Variants in TSPO2 observed in about 807,000 individuals in gnomAD.
The protein encoded by TSPO2 is benzodiazapine receptor (peripheral)-like 1.
In TSPO2, 15 loss-of-function variants were observed where a neutral mutation model predicts 13.3. That is an observed-to-expected ratio of 1.13 (90% CI 0.75 to 1.73). The LOEUF is 1.73. Ranked by LOEUF, TSPO2 falls within the 40% of genes most tolerant of loss-of-function variation. The probability of loss-of-function intolerance (pLI) is 0.00; values close to 1 mark genes in which losing one functional copy is unlikely to be tolerated. For synonymous variants in TSPO2, 81 were observed against 91.6 expected, an observed-to-expected ratio of 0.88 and a Z score of 0.66; for missense variants, 202 against 198.3, an observed-to-expected ratio of 1.02 and a Z score of -0.11.
At position 41,043,646 on chromosome 6, in the gene TSPO2, C is replaced by A. The variant is rs771174649; in HGVS notation, c.263C>A (p.Thr88Asn). 6.2e-6 allele frequency: 10 copies of A among 1,613,332 alleles called. No homozygotes were observed. Among genetic ancestry groups the A allele is most frequent in the Admixed American group, 1.7e-5 (1 of 59,910 alleles). Residue 88 changes from threonine (T) to asparagine (N), a missense_variant, in exon 3 of 4, where the codon ACC (threonine) becomes AAC (asparagine). By Grantham distance (65) the Thr-to-Asn change is moderately conservative. Transcript: ENST00000373161. ...CTTGGCCTCTATGCTGTTCAGCTCA[C>A]CATCAGCTGGACTGTCCTGGTTCTC... Reference protein sequence around the residue: ...LPLGLYAVQLTISWTVLVLFF... With the variant: ...LPLGLYAVQLNISWTVLVLFF...
At position 41,042,995 on chromosome 6, in the gene TSPO2, C is replaced by T. The variant is rs779970196; in HGVS notation, c.10C>T (p.Gln4Ter). Residue 4 changes from glutamine (Q) to a stop codon, truncating the protein, a stop_gained, in exon 2 of 4, where the codon CAA becomes TAA. Transcript: ENST00000373161. LOFTEE classifies it high-confidence loss of function. ...TGCCTCTTCAAGGTGAATGCGGCTT[C>T]AAGGGGCTATCTTTGTGCTCCTGCC... The part of the protein sequence containing the change: MRL[Q>*]GAIFVLLPHL... 3 of 1,613,850 alleles carry T rather than the reference C, an allele frequency of 1.9e-6. No homozygotes were observed. The highest frequency in any genetic ancestry group is 4.5e-5 in the East Asian group (2 of 44,866).
At chr6:41,042,851 G>GT in intron 1 of TSPO2, 73 bp downstream of exon 1, 1 of 1,044,154 alleles carries the variant, frequency 9.6e-7, no homozygotes, top group Non-Finnish European at 1.5e-6. Context: ...AAGGACCTCC[G>GT]TGAGTAGACC....
upstream of TSPO2, among the ~76,000 whole-genome samples, chr6:41,041,758 C>A (rs1364859871): frequency 6.6e-6 from 1 of 152,152 alleles, no homozygotes; most frequent in Non-Finnish European, 1.5e-5. Context: ...GGTGGATCAC[C>A]TGAGGTCAGG....
Position 41,043,567 on chromosome 6 carries a change from T to C in TSPO2, c.184T>C (p.Tyr62His). ...AIYSVVGYAS[Y>H]LVWKDLGGGL... ...ACCATGTCTCCACAGCTATGCCTCC[T>C]ACCTGGTGTGGAAGGACCTGGGAGG... Residue 62 changes from tyrosine (Y) to histidine (H), a missense_variant, in exon 3 of 4, where the codon TAC becomes CAC. Tyr to His is a moderately conservative substitution (Grantham distance 83). Transcript: ENST00000373161. 6.3e-7 allele frequency: 1 copy of C among 1,596,324 alleles called. No homozygotes were observed. The highest frequency in any genetic ancestry group is 8.5e-7 in the Non-Finnish European group (1 of 1,171,660).
At chr6:41,043,277 C>G (rs1245720275) in intron 2 of TSPO2, 119 bp downstream of exon 2, 1 of 1,263,120 alleles carries the variant, frequency 7.9e-7, no homozygotes, top group African/African-American at 1.5e-5. Context: ...TTGCCTCTCA[C>G]CACCATAGTG....
chr6:41,041,908 G>A (rs1762593858), upstream of TSPO2, among the ~76,000 whole-genome samples: 1 of 151,990 alleles, frequency 6.6e-6, no homozygotes, highest in African/African-American at 2.4e-5. Flanking sequence ...TAGGGAGGCA[G>A]AGGTTGCAGT....
At position 41,043,113 on chromosome 6, in the gene TSPO2, A is replaced by G. The variant is rs1762614830; in HGVS notation, c.128A>G (p.Tyr43Cys). The G allele has an allele frequency of 1.2e-6, 2 of 1,613,912 alleles. No homozygotes were observed. The highest frequency in any genetic ancestry group is 2.7e-5 in the African/African-American group (2 of 74,886). The change falls in exon 2 of 4, where the codon TAC becomes TGC. Residue 43 changes from tyrosine (Y) to cysteine (C), a missense_variant. Tyr to Cys is a radical substitution (Grantham distance 194). Transcript: ENST00000373161. ...AGGATGCTGTCCTGGTGCCCATTCT[A>G]CAAAGTCTTATTGCTTGTACAGACA... is the stretch of plus-strand genomic sequence containing the variant. ...GPRMLSWCPFYKVLLLVQTAI... is the reference protein window; with the variant it reads ...GPRMLSWCPFCKVLLLVQTAI...
rs1762644439 is a variant in TSPO2, at chr6:41,044,320, C to A, written c.*183C>A. The A allele has an allele frequency of 3.3e-6, 2 of 613,970 alleles. No individual in the cohort carries two copies. Among genetic ancestry groups the A allele is most frequent in the East Asian group, 5.5e-5 (2 of 36,048 alleles). The allele number at this position is 613,970 out of a possible 1,614,324, so 38.0% of individuals were successfully genotyped here. On this transcript the variant is annotated 3_prime_UTR_variant, in exon 4 of 4. Coordinates refer to ENST00000373161, the MANE Select transcript of TSPO2 (RefSeq NM_001010873.3). ...TGATTTTACACTTAAATAATAAAATCCTATTAGTAACTCTGAAGGTATGAT... is the reference window on the plus strand; with the variant it reads ...TGATTTTACACTTAAATAATAAAATACTATTAGTAACTCTGAAGGTATGAT...
chr6:41,043,899 G>C (rs1451405569), intron 3 of TSPO2, 41 bp from the exon 4 acceptor site: 1 of 1,594,184 alleles, frequency 6.3e-7, no homozygotes, highest in South Asian at 1.1e-5. Context: ...TGGAGGTGCT[G>C]GTTCTCGGGC....
In TSPO2 at chr6:41,042,720, C is replaced by T; in HGVS notation, c.-79C>T. The T allele has an allele frequency of 1.6e-6, 1 of 642,470 alleles. No homozygotes were observed. The highest frequency in any genetic ancestry group is 2.9e-6 in the Non-Finnish European group (1 of 347,060). The allele number at this position is 642,470 out of a possible 1,614,324, so 39.8% of individuals were successfully genotyped here. ...GTTACCAGTGCTGGGCAGTGTCCTC[C>T]AAGTGCCAGAGGAGTGCTGTGGAGA... On this transcript the variant is annotated 5_prime_UTR_variant, in exon 1 of 4. Coordinates refer to ENST00000373161, the MANE Select transcript of TSPO2 (RefSeq NM_001010873.3).
chr6:41,042,476 G>T lies in TSPO2; in HGVS notation c.-323G>T. 1 of 342,610 alleles carries T rather than the reference G, an allele frequency of 2.9e-6. No individual in the cohort carries two copies. The highest frequency in any genetic ancestry group is 5.8e-6 in the Non-Finnish European group (1 of 172,700). 21.2% of individuals were successfully genotyped at this position (342,610 alleles called of 1,614,324 possible). A position where few individuals can be genotyped will look rare whatever the true frequency, so the allele number is the denominator to read the frequency against. On this transcript the variant is annotated 5_prime_UTR_variant, in exon 1 of 4. Transcript: ENST00000373161. ...GAGATAAGCCTGGGACAGATGTGCT[G>T]CCGCATTCGTGACTAGAAAAGAGTC...
Position 41,044,152 on chromosome 6 carries a change from G to A in TSPO2, c.*15G>A, listed in dbSNP as rs368028735. ...AGAGTGACTGAGGCCCTAGGGCATG[G>A]GAGAGGAGGGACGCCCAGGGTGGGG... On this transcript the variant is annotated 3_prime_UTR_variant, in exon 4 of 4. Coordinates refer to ENST00000373161, the MANE Select transcript of TSPO2 (RefSeq NM_001010873.3). 64 of 1,613,826 alleles carry A rather than the reference G, an allele frequency of 4.0e-5. No homozygotes were observed. The African/African-American group carries it at 7.1e-4, about 18-fold the overall frequency.
chr6:41,043,935 C>T lies in TSPO2; in HGVS notation c.316-5C>T, dbSNP rs774096040. 3 of 1,612,272 alleles carry T rather than the reference C, an allele frequency of 1.9e-6. No individual in the cohort carries two copies. The highest frequency in any genetic ancestry group is 3.3e-5 in the Admixed American group (2 of 59,860). On this transcript the variant is annotated splice_region_variant and splice_polypyrimidine_tract_variant and intron_variant, in intron 3 of 3. Coordinates refer to ENST00000373161, the MANE Select transcript of TSPO2 (RefSeq NM_001010873.3). ...AGCCAGCTGACCCCCGGCCTCTATG[C>T]CCAGGCCCTGCTGCACCTGCTGCTG...
intron 2 of TSPO2, 101 bp from the exon 3 acceptor site, chr6:41,043,456 T>C (rs1406372064): frequency 3.5e-6 from 5 of 1,447,134 alleles, no homozygotes; most frequent in Non-Finnish European, 4.7e-6. Context: ...TGCCCCCATT[T>C]CAGCCCACAA....
rs536475290 is a variant in TSPO2, at chr6:41,043,154, G to A, written c.169G>A (p.Val57Met). Residue 57 changes from valine (V) to methionine (M), a missense_variant, in exon 2 of 4, where the codon GTG becomes ATG. Val to Met is a conservative substitution (Grantham distance 21). Transcript: ENST00000373161. ...TGTACAGACAGCCATCTACTCTGTC[G>A]TGGGGTGAGTACTTGTTTCTCACAC... Reference protein sequence around the residue: ...LLVQTAIYSVVGYASYLVWKD... With the variant: ...LLVQTAIYSVMGYASYLVWKD... 68 of 1,609,784 alleles carry A rather than the reference G, an allele frequency of 4.2e-5. 1 individual carries two copies. The South Asian group carries it at 6.5e-4, about 15-fold the overall frequency.
chr6:41,043,844 G>C (rs1762632388), intron 3 of TSPO2, 96 bp from the exon 4 acceptor site: 1 of 1,532,004 alleles, frequency 6.5e-7, no homozygotes, highest in Non-Finnish European at 8.9e-7. Flanking sequence ...TGTGCACAGA[G>C]CCCCAGGGAC....
intron 1 of TSPO2, 43 bp from the exon 2 acceptor site, chr6:41,042,923 C>G (rs530975605): frequency 6.3e-7 from 1 of 1,593,438 alleles, no homozygotes; most frequent in African/African-American, 1.3e-5. Flanking sequence ...GACGAGGAGC[C>G]GCAGGGGAAG....
chr6:41,043,820 C>T, intron 3 of TSPO2, 120 bp from the exon 4 acceptor site: 1 of 1,518,216 alleles, frequency 6.6e-7, no homozygotes, highest in Non-Finnish European at 9.0e-7. Context: ...GCAGACTTCT[C>T]TGCACTCCCA....
chr6:41,043,906 G>C, intron 3 of TSPO2, 34 bp from the exon 4 acceptor site: 1 of 1,599,204 alleles, frequency 6.3e-7, no homozygotes, highest in East Asian at 2.2e-5. Context: ...GCTGGTTCTC[G>C]GGCAGCCAGC....
Sources: gnomAD v4.1 joint callset for allele counts (sites outside exome capture counted in the v4.1 genomes callset) on GRCh38, gnomAD v4.1.1 for gene constraint, MANE v1.5 for transcripts, NCBI Gene and HGNC (gene_info 2026-07-23, HGNC 2026-07-21) for gene names.